DYRK3: variants seen among roughly 807,000 people sequenced by gnomAD.
DYRK3 encodes dual specificity tyrosine phosphorylation regulated kinase 3.
In DYRK3, 30 loss-of-function variants were observed where a neutral mutation model predicts 40.8. The ratio of observed to expected loss-of-function variants is 0.74; its 90% CI spans 0.55 to 1.00. The LOEUF is 1.00. Ranked by LOEUF, DYRK3 falls within the 50% of genes least tolerant of loss-of-function variation. The probability of loss-of-function intolerance (pLI) is 0.00; values close to 1 mark genes in which losing one functional copy is unlikely to be tolerated. For missense variants in DYRK3, 699 were observed against 731.5 expected, an observed-to-expected ratio of 0.96 and a Z score of 0.51; for synonymous variants, 272 against 260.7, an observed-to-expected ratio of 1.04 and a Z score of -0.42.
rs1475949139 is a variant in DYRK3 at position 206,649,458 on chromosome 1, A to G, written c.*493A>G. 6.6e-6 allele frequency among the ~76,000 whole-genome samples: 1 copy of G among 152,102 alleles called. No individual in the cohort carries two copies. The highest frequency in any genetic ancestry group is 1.5e-5 in the Non-Finnish European group (1 of 68,008). ...CTCACAGCAGACTGTGGGGTGGGGG[A>G]GCACCAGGAAGCTGTTGGTGACCTG... is the stretch of plus-strand genomic sequence containing the variant. On this transcript the variant is annotated 3_prime_UTR_variant, in exon 3 of 3. Coordinates refer to ENST00000367109, the MANE Select transcript of DYRK3 (RefSeq NM_003582.4).
chr1:206,638,702 C>G (rs1265847259), intron 2 of DYRK3, among the ~76,000 whole-genome samples: 1 of 151,738 alleles, frequency 6.6e-6, no homozygotes, highest in African/African-American at 2.4e-5. Context: ...TTAAAATTTC[C>G]TGCATATGTC....
In DYRK3 at chr1:206,650,165, C is replaced by T. The variant is rs782339895; in HGVS notation, c.*1200C>T. Among the ~76,000 whole-genome samples, 7 of 152,210 alleles carry T rather than the reference C, an allele frequency of 4.6e-5. No individual in the cohort carries two copies. The highest frequency in any genetic ancestry group is 4.1e-4 in the South Asian group (2 of 4,830). Reference sequence around the variant, plus strand: ...AGTGTCCTACTTACAAGGGTGGAGACGGGACAGAAGCTAACTCACTGCTAC... The same window carrying T: ...AGTGTCCTACTTACAAGGGTGGAGATGGGACAGAAGCTAACTCACTGCTAC... On this transcript the variant is annotated 3_prime_UTR_variant, in exon 3 of 3. Coordinates refer to ENST00000367109, the MANE Select transcript of DYRK3 (RefSeq NM_003582.4).
At chr1:206,637,371 T>C (rs1007185489) in intron 1 of DYRK3, among the ~76,000 whole-genome samples, 20 of 152,266 alleles carry the variant, frequency 1.3e-4, no homozygotes, top group African/African-American at 4.6e-4. Flanking sequence ...TAAGTTATTA[T>C]GAGATCCTTC....
At position 206,652,614 on chromosome 1, in the gene DYRK3, C is replaced by T. The variant is rs559084177; in HGVS notation, c.*3649C>T. Among the ~76,000 whole-genome samples the T allele has an allele frequency of 2.0e-5, 3 of 152,254 alleles. No homozygotes were observed. The East Asian group carries it at 5.8e-4, about 29-fold the overall frequency. On this transcript the variant is annotated 3_prime_UTR_variant, in exon 3 of 3. Coordinates refer to ENST00000367109, the MANE Select transcript of DYRK3 (RefSeq NM_003582.4). The stretch of plus-strand genomic sequence containing the variant: ...AGTTGGCATACCTGTCTTCTGCAGG[C>T]CAATTCAAGTTTGAGGAGAGTGGGC...
intron 1 of DYRK3, 137 bp downstream of exon 1, chr1:206,635,917 G>C: frequency 7.7e-7 from 1 of 1,296,960 alleles, no homozygotes; most frequent in Non-Finnish European, 9.8e-7. Flanking sequence ...CTGCCTCCCC[G>C]GGACCGCCCC....
In DYRK3 at chr1:206,648,166, T is replaced by G; in HGVS notation, c.968T>G (p.Leu323Trp). 6.2e-7 allele frequency: 1 copy of G among 1,614,186 alleles called. No homozygotes were observed. The highest frequency in any genetic ancestry group is 1.7e-5 in the Admixed American group (1 of 60,024). ...TTTGCCCAGTCCATCTTGCAATCTT[T>G]GGATGCCCTCCACAAAAATAAGATT... ...RKFAQSILQSLDALHKNKIIH... is the reference protein window; with the variant it reads ...RKFAQSILQSWDALHKNKIIH... The change falls in exon 3 of 3, where the codon TTG becomes TGG. Residue 323 changes from leucine (L) to tryptophan (W), a missense_variant. Leu to Trp is a moderately conservative substitution (Grantham distance 61). Coordinates refer to ENST00000367109, the MANE Select transcript of DYRK3 (RefSeq NM_003582.4).
intron 1 of DYRK3, 37 bp downstream of exon 1, chr1:206,635,817 C>G: frequency 4.8e-6 from 6 of 1,243,528 alleles, no homozygotes; most frequent in Non-Finnish European, 6.0e-6. Context: ...GGAGGCGCCA[C>G]AGGGAGCGGC....
At position 206,654,817 on chromosome 1, in the gene DYRK3, C is replaced by T. The variant is rs13208; in HGVS notation, c.*5852C>T. 0.4 allele frequency among the ~76,000 whole-genome samples: 61,136 copies of T among 152,012 alleles called. 12,466 individuals are homozygous for T. The highest frequency in any genetic ancestry group is 0.45 in the South Asian group (2,183 of 4,812). ...AGCAGGGTATGATTCTTAATATAGC[C>T]CACCCATCGCTAAGTCAAGCCTAGA... On this transcript the variant is annotated 3_prime_UTR_variant, in exon 3 of 3. Transcript: ENST00000367109.
chr1:206,637,066 G>GT, intron 1 of DYRK3: 1 of 857,142 alleles, frequency 1.2e-6, no homozygotes, highest in South Asian at 1.4e-5. Flanking sequence ...AAGTAGGTAA[G>GT]TAAGTAAATG....
In DYRK3 at chr1:206,638,316, A is replaced by G. The variant is rs1466112567; in HGVS notation, c.189+555A>G. Among the ~76,000 whole-genome samples, 8 of 121,018 alleles carry G rather than the reference A, an allele frequency of 6.6e-5. 1 individual carries two copies. Among genetic ancestry groups the G allele is most frequent in the African/African-American group, 2.7e-4 (8 of 30,114 alleles). The allele number at this position is 121,018 out of a possible 152,430, so 79.4% of individuals were successfully genotyped here. On this transcript the variant is annotated intron_variant, in intron 2 of 2. Coordinates refer to ENST00000367109, the MANE Select transcript of DYRK3 (RefSeq NM_003582.4). ...TTTTGAGGTGGAGTCTCTCTCTGTC[A>G]CCCAGGCTGGAGTGCAATGGCATGA... is the stretch of plus-strand genomic sequence containing the variant.
intron 1 of DYRK3, among the ~76,000 whole-genome samples, chr1:206,637,234 G>A (rs569387287): frequency 3.1e-4 from 47 of 152,236 alleles, no homozygotes; most frequent in Non-Finnish European, 5.7e-4. Context: ...AGGTAGCACA[G>A]CCAGTGTTAG....
chr1:206,641,921 G>C (rs998044051), intron 2 of DYRK3, among the ~76,000 whole-genome samples: 2 of 150,656 alleles, frequency 1.3e-5, no homozygotes, highest in South Asian at 4.2e-4. Context: ...AGCCAAAATT[G>C]ATAAATGGGA....
rs1436008749 is a variant in DYRK3 at position 206,652,517 on chromosome 1, C to G, written c.*3552C>G. On this transcript the variant is annotated 3_prime_UTR_variant, in exon 3 of 3. Transcript: ENST00000367109. ...TACACTGTAGACAGATTTTAGAAAG[C>G]TACAGGAAGGCAAATGGATGTTTCT... is the stretch of plus-strand genomic sequence containing the variant. 6.6e-6 allele frequency among the ~76,000 whole-genome samples: 1 copy of G among 152,172 alleles called. No individual in the cohort carries two copies. Among genetic ancestry groups the G allele is most frequent in the Non-Finnish European group, 1.5e-5 (1 of 68,038 alleles).
chr1:206,646,179 A>G (rs541687265), intron 2 of DYRK3, among the ~76,000 whole-genome samples: 19 of 152,308 alleles, frequency 1.2e-4, no homozygotes, highest in African/African-American at 4.1e-4. Context: ...GGTGTCCAGT[A>G]TGATGTTTTG....
At chr1:206,637,006 T>A (rs201779776) in intron 1 of DYRK3, 2 of 1,473,478 alleles carry the variant, frequency 1.4e-6, no homozygotes, top group African/African-American at 1.4e-5. Context: ...AGCATCCTTT[T>A]AGCGTTTGCT....
At position 206,648,280 on chromosome 1, in the gene DYRK3, T is replaced by C; in HGVS notation, c.1082T>C (p.Phe361Ser). 6.2e-7 allele frequency: 1 copy of C among 1,613,670 alleles called. No homozygotes were observed. The highest frequency in any genetic ancestry group is 8.5e-7 in the Non-Finnish European group (1 of 1,179,872). Residue 361 changes from phenylalanine to serine, a missense_variant, in exon 3 of 3, where the codon TTC (phenylalanine) becomes TCC (serine). Coordinates refer to ENST00000367109, the MANE Select transcript of DYRK3 (RefSeq NM_003582.4). ...TKVIDFGSSC[F>S]EYQKLYTYIQ... ...GTCATTGACTTTGGGTCCAGCTGTTTCGAGTACCAGAAGCTCTACACATAT... is the reference window on the plus strand; with the variant it reads ...GTCATTGACTTTGGGTCCAGCTGTTCCGAGTACCAGAAGCTCTACACATAT...
rs1345439542 is a variant in DYRK3, at chr1:206,652,677, G to A, written c.*3712G>A. Among the ~76,000 whole-genome samples the A allele has an allele frequency of 6.6e-6, 1 of 152,222 alleles. No individual in the cohort carries two copies. Among genetic ancestry groups the A allele is most frequent in the African/African-American group, 2.4e-5 (1 of 41,462 alleles). On this transcript the variant is annotated 3_prime_UTR_variant, in exon 3 of 3. Coordinates refer to ENST00000367109, the MANE Select transcript of DYRK3 (RefSeq NM_003582.4). ...TGGTGCTCGTCCACATGGATTTGAG[G>A]AAGTTTATGGTTGGGTTTCAAGCTT... is the stretch of plus-strand genomic sequence containing the variant.
intron 2 of DYRK3, among the ~76,000 whole-genome samples, chr1:206,642,438 C>G (rs1671318125): frequency 1.3e-5 from 2 of 152,142 alleles, no homozygotes; most frequent in Non-Finnish European, 2.9e-5. Context: ...GGCATATACC[C>G]AAAGGATTAT....
intron 2 of DYRK3, 58 bp downstream of exon 2, chr1:206,637,819 C>T: frequency 7.3e-7 from 1 of 1,376,080 alleles, no homozygotes; most frequent in South Asian, 1.2e-5. Context: ...GGAAGTGCTA[C>T]TTAATGCTCA....
Sources: gnomAD v4.1 joint callset for allele counts (sites outside exome capture counted in the v4.1 genomes callset) on GRCh38, gnomAD v4.1.1 for gene constraint, MANE v1.5 for transcripts, NCBI Gene and HGNC (gene_info 2026-07-23, HGNC 2026-07-21) for gene names.